Variants in PLCZ1 observed in about 807,000 individuals in gnomAD.
PLCZ1 encodes 1-phosphatidylinositol 4,5-bisphosphate phosphodiesterase zeta-1.
A neutral mutation model predicts 76.8 loss-of-function variants in PLCZ1; 64 were observed. The observed-to-expected ratio is 0.83, with a 90% CI of 0.68 to 1.03. The LOEUF is 1.03. PLCZ1 is among the 50% of genes least tolerant of loss of function. PLCZ1 has a pLI of 0.00. For synonymous variants in PLCZ1, 248 were observed against 230.8 expected (o/e 1.07, Z -0.68); for missense variants, 751 against 713.7 (o/e 1.05, Z -0.60).
At chr12:18,650,710 A>ATAT in the PLCZ1 span, among the ~76,000 whole-genome samples, 1 of 7,060 alleles carries the variant, frequency 1.4e-4, no homozygotes, top group African/African-American at 5.2e-4. Context: ...GTGTGTATAT[A>ATAT]TCTATATATA....
intron 7 of PLCZ1, 48 bp downstream of exon 7, chr12:18,705,118 T>C (rs779032623): frequency 3.1e-6 from 5 of 1,601,384 alleles, no homozygotes; most frequent in Non-Finnish European, 4.3e-6. Context: ...AGTGACATGT[T>C]TTCATGGACT....
intron 3 of PLCZ1, chr12:18,735,871 T>C (rs879875596): frequency 1.8e-5 from 3 of 165,146 alleles, no homozygotes; most frequent in Non-Finnish European, 3.9e-5. Flanking sequence ...ATCTGTATTA[T>C]TTCCTCCCTT....
chr12:18,650,331 C>CTA, the PLCZ1 span, among the ~76,000 whole-genome samples: 1,307 of 91,776 alleles, frequency 0.014, 20 homozygotes, highest in Middle Eastern at 0.062. Context: ...CTCTCTCTCT[C>CTA]TATATATATA....
chr12:18,647,363 G>A, the PLCZ1 span, among the ~76,000 whole-genome samples: 1 of 151,336 alleles, frequency 6.6e-6, no homozygotes, highest in African/African-American at 2.4e-5. Context: ...TCACTACTTA[G>A]GCAACATGAT....
At chr12:18,657,433 T>C in the PLCZ1 span, among the ~76,000 whole-genome samples, 2 of 149,726 alleles carry the variant, frequency 1.3e-5, no homozygotes, top group Non-Finnish European at 3.0e-5. Flanking sequence ...ATGAAGACTA[T>C]AGCAGAGTAG....
the PLCZ1 span, among the ~76,000 whole-genome samples, chr12:18,671,304 A>G: frequency 1.1e-4 from 17 of 152,282 alleles, no homozygotes; most frequent in East Asian, 3.1e-3. Context: ...TGCACCATAC[A>G]GAGAAGATAT....
In PLCZ1 at chr12:18,696,210, T is replaced by A. The variant is rs147366281; in HGVS notation, c.1231A>T (p.Thr411Ser). The change falls in exon 11 of 15, where the codon ACA (threonine) becomes TCA (serine). Residue 411 changes from threonine (T) to serine (S), a missense_variant. Transcript: ENST00000266505. ...KFITRIYPKA[T>S]RADSSNFNPQ... ...TTAAAATTAGAAGAGTCTGCTCTTG[T>A]TGCTTTGGGATATATTCTGGTAATG... 20 of 1,602,284 alleles carry A rather than the reference T, an allele frequency of 1.2e-5. No individual in the cohort carries two copies. Among genetic ancestry groups the A allele is most frequent in the Middle Eastern group, 3.3e-4 (2 of 6,030 alleles).
chr12:18,732,155 CTTAA>C (rs1233486106), intron 3 of PLCZ1, among the ~76,000 whole-genome samples: 1 of 151,994 alleles, frequency 6.6e-6, no homozygotes, highest in Non-Finnish European at 1.5e-5. Flanking sequence ...CTTCTGCCCT[CTTAA>C]TTATTTTTTC....
intron 3 of PLCZ1, among the ~76,000 whole-genome samples, chr12:18,726,280 T>C (rs531145965): frequency 6.6e-6 from 1 of 152,330 alleles, no homozygotes; most frequent in South Asian, 2.1e-4. Flanking sequence ...GTATTAATCA[T>C]TAAACATACA....
chr12:18,729,591 C>A (rs1958935255), intron 3 of PLCZ1, among the ~76,000 whole-genome samples: 1 of 152,028 alleles, frequency 6.6e-6, no homozygotes, highest in Admixed American at 6.6e-5. Context: ...CCTGAAATTA[C>A]AAAGGATACT....
the PLCZ1 span, among the ~76,000 whole-genome samples, chr12:18,659,304 G>A: frequency 1.3e-5 from 2 of 152,088 alleles, no homozygotes; most frequent in African/African-American, 4.8e-5. Context: ...TACAATAGAT[G>A]AGAAAACAAA....
chr12:18,650,043 C>T, the PLCZ1 span, among the ~76,000 whole-genome samples: 1 of 151,962 alleles, frequency 6.6e-6, no homozygotes, highest in African/African-American at 2.4e-5. Context: ...ACTGATGATT[C>T]CCAGTTTTAT....
At chr12:18,648,767 C>T in the PLCZ1 span, among the ~76,000 whole-genome samples, 3 of 152,072 alleles carry the variant, frequency 2.0e-5, no homozygotes, top group Non-Finnish European at 2.9e-5. Flanking sequence ...TCTGAACCTA[C>T]TTTCGTAGTC....
rs1181990929 is a variant in PLCZ1 at position 18,699,791 on chromosome 12, T to C, written c.1174+3A>G. The C allele has an allele frequency of 2.5e-6, 4 of 1,612,752 alleles. No homozygotes were observed. Among genetic ancestry groups the C allele is most frequent in the African/African-American group, 1.3e-5 (1 of 74,988 alleles). On this transcript the variant is annotated splice_donor_region_variant and intron_variant, in intron 10 of 14. Transcript: ENST00000266505. Reference sequence around the variant, plus strand: ...TTCATCTATTTGAGTCACAAAAATTTACCTCGCAATTTTGAAAGTTTTCGG... The same window carrying C: ...TTCATCTATTTGAGTCACAAAAATTCACCTCGCAATTTTGAAAGTTTTCGG...
the PLCZ1 span, among the ~76,000 whole-genome samples, chr12:18,653,581 G>T: frequency 6.6e-6 from 1 of 152,146 alleles, no homozygotes; most frequent in Non-Finnish European, 1.5e-5. Flanking sequence ...GTGTTCCTTT[G>T]TATGTGTGCA....
chr12:18,688,674 T>A (rs1042918505), intron 12 of PLCZ1, among the ~76,000 whole-genome samples: 1 of 151,972 alleles, frequency 6.6e-6, no homozygotes, highest in Non-Finnish European at 1.5e-5. Flanking sequence ...AGTTATTTCA[T>A]ATGTATATTA....
chr12:18,711,072 G>C (rs562841762), intron 6 of PLCZ1, among the ~76,000 whole-genome samples: 5 of 152,086 alleles, frequency 3.3e-5, no homozygotes, highest in African/African-American at 4.8e-5. Context: ...CTGCTATAAA[G>C]ACATATGCAC....
chr12:18,666,472 G>A, the PLCZ1 span, among the ~76,000 whole-genome samples: 3 of 152,122 alleles, frequency 2.0e-5, no homozygotes, highest in African/African-American at 4.8e-5. Context: ...ATTGTTGCAC[G>A]AGACAAAGAA....
intron 13 of PLCZ1, among the ~76,000 whole-genome samples, chr12:18,684,786 C>T (rs1346229952): frequency 6.6e-6 from 1 of 152,014 alleles, no homozygotes; most frequent in African/African-American, 2.4e-5. Context: ...ACCCAAATCT[C>T]ATCTTGAATT....
Sources: gnomAD v4.1 joint callset for allele counts (sites outside exome capture counted in the v4.1 genomes callset) on GRCh38, gnomAD v4.1.1 for gene constraint, MANE v1.5 for transcripts, NCBI Gene and HGNC (gene_info 2026-07-23, HGNC 2026-07-21) for gene names.